The following CES5A variants were observed in gnomAD, a reference collection of about 807,000 sequenced individuals.
CES5A encodes carboxylesterase 5.
A neutral mutation model predicts 62.9 loss-of-function variants in CES5A; 67 were observed. The observed-to-expected ratio is 1.07, with a 90% CI of 0.88 to 1.31. CES5A has a LOEUF of 1.31. Among genes scored for constraint, CES5A ranks in the 50% most tolerant of loss-of-function variants. The pLI, the probability that CES5A is intolerant of heterozygous loss-of-function variation, is 0.00. For synonymous variants in CES5A, 296 were observed against 280.8 expected (o/e 1.05, Z -0.54); for missense variants, 748 against 708.5 (o/e 1.06, Z -0.63).
intron 1 of CES5A, among the ~76,000 whole-genome samples, chr16:55,920,099 A>G (rs1328643162): frequency 6.6e-6 from 1 of 152,210 alleles, no homozygotes; most frequent in African/African-American, 2.4e-5. Context: ...ATAACCCAGC[A>G]GTCAAAGATG....
chr16:55,950,019 A>C lies in CES5A; in HGVS notation c.43-117T>G, dbSNP rs1392225231. The C allele has an allele frequency of 4.4e-5, 17 of 387,266 alleles. No homozygotes were observed. The East Asian group carries it at 7.9e-4, about 18-fold the overall frequency. The allele number at this position is 387,266 out of a possible 1,614,324, so 24.0% of individuals were successfully genotyped here. The stretch of plus-strand genomic sequence containing the variant: ...AATATAACAACATATAATAATAAAA[A>C]TCCATAACAGTGTAGGAAAAAAAGA... On this transcript the variant is annotated intron_variant, in intron 1 of 13. Transcript: ENST00000521992.
intron 2 of CES5A, among the ~76,000 whole-genome samples, chr16:55,938,797 TACACAC>T (rs1205048784): frequency 2.0e-5 from 1 of 51,078 alleles, no homozygotes; most frequent in African/African-American, 1.0e-4. Context: ...TATATATATA[TACACAC>T]ATATATATAT....
At chr16:55,852,460 T>C (rs192195595) in intron 10 of CES5A, among the ~76,000 whole-genome samples, 2 of 152,284 alleles carry the variant, frequency 1.3e-5, no homozygotes. Context: ...TGTTATGGGG[T>C]GGAGTATTTG....
intron 1 of CES5A, among the ~76,000 whole-genome samples, chr16:55,891,560 A>G (rs7184420): frequency 0.72 from 109,616 of 152,072 alleles, 39,530 homozygotes; most frequent in Non-Finnish European, 0.73. Flanking sequence ...AAAGTGGGGA[A>G]GGGGCTTCCA....
chr16:55,863,222 T>C (rs1269253655), intron 6 of CES5A, 126 bp downstream of exon 6: 5 of 679,602 alleles, frequency 7.4e-6, no homozygotes, highest in Admixed American at 4.5e-5. Flanking sequence ...AGGTTCACCT[T>C]GGGCCAGCAT....
chr16:55,903,000 A>G (rs2034006465), intron 1 of CES5A, among the ~76,000 whole-genome samples: 2 of 152,178 alleles, frequency 1.3e-5, no homozygotes, highest in Non-Finnish European at 2.9e-5. Context: ...GGGCAACAAA[A>G]ACAAACTGCA....
Position 55,859,639 on chromosome 16 carries a change from C to T in CES5A, c.964G>A (p.Glu322Lys). The change falls in exon 8 of 13, where the codon GAG (glutamate) becomes AAG (lysine). Residue 322 changes from glutamate to lysine, a missense_variant. Transcript: ENST00000290567. ...TTCTGAGACAATAGATCTAGAGGCT[C>T]ATTAGGAAAGAAAGCACCATCAACC... ...RVVDGAFFPN[E>K]PLDLLSQKAF... 6.2e-7 allele frequency: 1 copy of T among 1,612,636 alleles called. No individual in the cohort carries two copies. Among genetic ancestry groups the T allele is most frequent in the Non-Finnish European group, 8.5e-7 (1 of 1,179,382 alleles).
intron 1 of CES5A, among the ~76,000 whole-genome samples, chr16:55,880,949 G>A (rs1392199023): frequency 6.6e-6 from 1 of 152,168 alleles, no homozygotes; most frequent in Non-Finnish European, 1.5e-5. Context: ...TGAGACTATA[G>A]GAGTAAAGGT....
rs547223646 is a variant in CES5A at position 55,913,126 on chromosome 16, T to G, written c.-256+12197A>C. Among the ~76,000 whole-genome samples the G allele has an allele frequency of 3.4e-3, 516 of 152,310 alleles. 4 individuals are homozygous for G. Among genetic ancestry groups the G allele is most frequent in the African/African-American group, 0.011 (467 of 41,562 alleles). Reference sequence around the variant, plus strand: ...CCCGAGCATTCAGGGATCAGAGTTTTTCAGATAATTTGGCAGGTAGAAGCT... The same window carrying G: ...CCCGAGCATTCAGGGATCAGAGTTTGTCAGATAATTTGGCAGGTAGAAGCT... On this transcript the variant is annotated intron_variant, in intron 1 of 12. Coordinates refer to the CES5A transcript ENST00000518005.
chr16:55,869,419 T>G, intron 4 of CES5A, 192 bp downstream of exon 4: 1 of 1,080,018 alleles, frequency 9.3e-7, no homozygotes, highest in Non-Finnish European at 1.2e-6. Flanking sequence ...GAGAAAGAGA[T>G]TTTTATTGTT....
rs73553872 is a variant in CES5A at position 55,870,850 on chromosome 16, G to A, written c.417+775C>T. On this transcript the variant is annotated intron_variant, in intron 3 of 12. Coordinates refer to ENST00000290567, the MANE Select transcript of CES5A (RefSeq NM_001143685.2). ...GGTCATATTAGAGATTACAGCCTTC[G>A]GGGCAGGTAAAGAGAAGAAAGCCAC... 8.1e-3 allele frequency among the ~76,000 whole-genome samples: 1,239 copies of A among 152,204 alleles called. 20 individuals are homozygous for A. The highest frequency in any genetic ancestry group is 0.028 in the African/African-American group (1,157 of 41,520).
At chr16:55,906,703 G>A (rs2034043349) in intron 1 of CES5A, among the ~76,000 whole-genome samples, 1 of 152,178 alleles carries the variant, frequency 6.6e-6, no homozygotes, top group African/African-American at 2.4e-5. Context: ...AGGGGAGCTG[G>A]AGAAGACTTT....
chr16:55,938,704 C>T (rs2034404439), intron 2 of CES5A, among the ~76,000 whole-genome samples: 1 of 123,100 alleles, frequency 8.1e-6, no homozygotes, highest in Non-Finnish European at 1.6e-5. Context: ...CCACTGCACT[C>T]CAGCCTGGGG....
chr16:55,854,029 C>T (rs2033182879), intron 9 of CES5A, among the ~76,000 whole-genome samples: 1 of 152,100 alleles, frequency 6.6e-6, no homozygotes, highest in Admixed American at 6.5e-5. Flanking sequence ...TGCAGTAGGT[C>T]CAGTCTATGG....
intron 1 of CES5A, among the ~76,000 whole-genome samples, chr16:55,918,573 A>G (rs971279206): frequency 6.6e-6 from 1 of 152,212 alleles, no homozygotes; most frequent in African/African-American, 2.4e-5. Flanking sequence ...ATGCCATCGC[A>G]GATCATTGTA....
chr16:55,939,424 T>C (rs1220999826), intron 2 of CES5A, among the ~76,000 whole-genome samples: 1 of 152,204 alleles, frequency 6.6e-6, no homozygotes, highest in South Asian at 2.1e-4. Flanking sequence ...GGACTCTGTA[T>C]AGTAAATACT....
upstream of CES5A, among the ~76,000 whole-genome samples, chr16:55,878,687 C>T (rs375591589): frequency 9.7e-4 from 145 of 149,508 alleles, 2 homozygotes; most frequent in South Asian, 0.028. Flanking sequence ...CCACTGCACC[C>T]ATCACTACAC....
At chr16:55,918,770 A>G (rs2034172336) in intron 1 of CES5A, among the ~76,000 whole-genome samples, 1 of 152,176 alleles carries the variant, frequency 6.6e-6, no homozygotes, top group Non-Finnish European at 1.5e-5. Flanking sequence ...ATGCTTCCCC[A>G]TGTCTGAATC....
At chr16:55,854,586 G>A (rs151008762) in intron 9 of CES5A, among the ~76,000 whole-genome samples, 17 of 88,518 alleles carry the variant, frequency 1.9e-4, no homozygotes, top group African/African-American at 9.3e-4. Flanking sequence ...CTGTTGCCCA[G>A]GCTAGAGTAC....
Sources: gnomAD v4.1 joint callset for allele counts (sites outside exome capture counted in the v4.1 genomes callset) on GRCh38, gnomAD v4.1.1 for gene constraint, MANE v1.5 for transcripts, NCBI Gene and HGNC (gene_info 2026-07-23, HGNC 2026-07-21) for gene names.